Variants in TDRD3 observed in about 807,000 individuals in gnomAD.
The protein encoded by TDRD3 is tudor domain containing 3, also known as tudor domain-containing protein 3.
TDRD3 carries 45 observed loss-of-function variants against 86.7 expected under a neutral mutation model. The ratio of observed to expected loss-of-function variants is 0.52; its 90% CI spans 0.41 to 0.67. The LOEUF (loss-of-function observed/expected upper bound fraction) is 0.67. Among genes scored for constraint, TDRD3 ranks in the 30% least tolerant of loss-of-function variants. The pLI is 0.00. For missense variants in TDRD3, 814 were observed against 889.0 expected, an observed-to-expected ratio of 0.92 and a Z score of 1.07; for synonymous variants, 298 against 301.7, an observed-to-expected ratio of 0.99 and a Z score of 0.13.
At chr13:60,547,371 A>T in intron 12 of TDRD3, 1 of 985,348 alleles carries the variant, frequency 1.0e-6, no homozygotes, top group Non-Finnish European at 1.2e-6. Context: ...TCTTGGGCAA[A>T]TTACTTCCAC....
At chr13:60,566,096 T>C (rs891175814) in intron 12 of TDRD3, among the ~76,000 whole-genome samples, 2 of 152,160 alleles carry the variant, frequency 1.3e-5, no homozygotes, top group African/African-American at 4.8e-5. Flanking sequence ...GATCATTAAT[T>C]TTTGGCTATT....
At position 60,397,331 on chromosome 13, in the gene TDRD3, C is replaced by G; in HGVS notation, c.-34C>G. ...GGAGGCCTCCCCATCACCCCCACCC[C>G]AGCCCCCCACCACCCCCGGCCTAAG... On this transcript the variant is annotated 5_prime_UTR_variant, in exon 1 of 14. Coordinates refer to ENST00000377881, the MANE Select transcript of TDRD3 (RefSeq NM_001146070.2). 1 of 1,406,594 alleles carries G rather than the reference C, an allele frequency of 7.1e-7. No individual in the cohort carries two copies. The highest frequency in any genetic ancestry group is 9.4e-7 in the Non-Finnish European group (1 of 1,065,660). 87.1% of individuals were successfully genotyped at this position (1,406,594 alleles called of 1,614,324 possible).
chr13:60,431,366 A>G (rs1954949125), intron 1 of TDRD3, among the ~76,000 whole-genome samples: 1 of 152,024 alleles, frequency 6.6e-6, no homozygotes. Context: ...TTTTAAAGGA[A>G]GTGCTTAACA....
chr13:60,568,770 AAAG>A (rs1210883437), intron 13 of TDRD3, among the ~76,000 whole-genome samples: 5 of 152,222 alleles, frequency 3.3e-5, no homozygotes, highest in African/African-American at 4.8e-5. Flanking sequence ...AGAAAGAAAT[AAAG>A]AACATCCAAA....
At chr13:60,461,893 A>T (rs1252909366) in intron 4 of TDRD3, among the ~76,000 whole-genome samples, 2 of 152,196 alleles carry the variant, frequency 1.3e-5, no homozygotes, top group Non-Finnish European at 1.5e-5. Context: ...GACAACAGAA[A>T]GAGTGAGAAG....
Position 60,421,280 on chromosome 13 carries a change from C to T in TDRD3, c.42-18408C>T, listed in dbSNP as rs918081204. On this transcript the variant is annotated intron_variant, in intron 1 of 13. Transcript: ENST00000377881. ...GCAGAAGACGAAGGAGGAGCAAAGG[C>T]ACATCCTACATGGTGGCAGGCAGCA... Among the ~76,000 whole-genome samples the T allele has an allele frequency of 7.9e-5, 12 of 152,280 alleles. 1 individual carries two copies. In the South Asian group the frequency reaches 2.1e-3, roughly 26 times the overall value.
chr13:60,528,161 T>G (rs1298951654), intron 10 of TDRD3, among the ~76,000 whole-genome samples: 3 of 152,154 alleles, frequency 2.0e-5, no homozygotes, highest in Non-Finnish European at 4.4e-5. Flanking sequence ...TTTACTTTAT[T>G]AATGTTGCTG....
intron 8 of TDRD3, among the ~76,000 whole-genome samples, chr13:60,506,633 T>A (rs185520504): frequency 6.6e-6 from 1 of 152,144 alleles, no homozygotes; most frequent in Non-Finnish European, 1.5e-5. Context: ...GGTGCATGCC[T>A]ATAATCCCAG....
upstream of TDRD3, among the ~76,000 whole-genome samples, chr13:60,395,921 T>G (rs1953887527): frequency 6.6e-6 from 1 of 152,216 alleles, no homozygotes; most frequent in African/African-American, 2.4e-5. Flanking sequence ...AACAATATAC[T>G]TGGGAGCAAA....
intron 12 of TDRD3, among the ~76,000 whole-genome samples, chr13:60,542,823 C>CT (rs1566290081): frequency 6.6e-6 from 1 of 151,856 alleles, no homozygotes; most frequent in East Asian, 1.9e-4. Flanking sequence ...TTTTAAATTT[C>CT]TTTTTCTTTT....
intron 1 of TDRD3, among the ~76,000 whole-genome samples, chr13:60,424,750 C>T (rs892056527): frequency 6.6e-6 from 1 of 152,188 alleles, no homozygotes; most frequent in Non-Finnish European, 1.5e-5. Context: ...ATCATCACTA[C>T]TATCTAATTC....
intron 10 of TDRD3, among the ~76,000 whole-genome samples, chr13:60,517,140 G>C (rs923539995): frequency 6.6e-6 from 1 of 151,692 alleles, no homozygotes; most frequent in Admixed American, 6.6e-5. Flanking sequence ...TCAAGTTGCA[G>C]ATCTTTGATA....
chr13:60,507,182 C>A (rs1956957261), intron 8 of TDRD3, among the ~76,000 whole-genome samples: 1 of 152,128 alleles, frequency 6.6e-6, no homozygotes, highest in African/African-American at 2.4e-5. Flanking sequence ...AATACAGGAG[C>A]ACCCAGATTC....
At chr13:60,567,087 C>T (rs1958477366) in intron 12 of TDRD3, among the ~76,000 whole-genome samples, 1 of 152,138 alleles carries the variant, frequency 6.6e-6, no homozygotes, top group African/African-American at 2.4e-5. Flanking sequence ...AACCCCTTTT[C>T]TTTATTCTAC....
intron 1 of TDRD3, among the ~76,000 whole-genome samples, chr13:60,405,792 G>A (rs996172580): frequency 6.6e-6 from 1 of 152,200 alleles, no homozygotes; most frequent in Admixed American, 6.5e-5. Context: ...GAGGGTTATG[G>A]TGGGAATAAC....
chr13:60,483,308 A>C (rs1340732401), intron 5 of TDRD3, among the ~76,000 whole-genome samples: 2 of 152,146 alleles, frequency 1.3e-5, no homozygotes, highest in African/African-American at 4.8e-5. Flanking sequence ...AAGAACCTCC[A>C]TATTATACAC....
intron 3 of TDRD3, among the ~76,000 whole-genome samples, chr13:60,460,121 T>C (rs2138050857): frequency 6.7e-6 from 1 of 148,694 alleles, no homozygotes; most frequent in Middle Eastern, 3.6e-3. Flanking sequence ...GGTTTTCTTT[T>C]CTCATTACCT....
chr13:60,565,041 CTTTTTTTTTTTTTTTT>C (rs869194148), intron 12 of TDRD3, among the ~76,000 whole-genome samples: 11 of 70,850 alleles, frequency 1.6e-4, no homozygotes, highest in Admixed American at 2.2e-4. Flanking sequence ...CTATCAGTAT[CTTTTTTTTTTTTTTTT>C]TTTTTTTTTT....
chr13:60,430,334 A>G lies in TDRD3; in HGVS notation c.42-9354A>G, dbSNP rs565995663. Among the ~76,000 whole-genome samples the G allele has an allele frequency of 5.9e-5, 9 of 152,306 alleles. 1 individual carries two copies. Among genetic ancestry groups the G allele is most frequent in the Admixed American group, 3.3e-4 (5 of 15,288 alleles). On this transcript the variant is annotated intron_variant, in intron 1 of 13. Transcript: ENST00000377881. ...CATGGACTTTGTAGGCAGCAATGCTATGAGTGCAGTAGTCAGTGTAGTGTT... is the reference window on the plus strand; with the variant it reads ...CATGGACTTTGTAGGCAGCAATGCTGTGAGTGCAGTAGTCAGTGTAGTGTT...
Sources: gnomAD v4.1 joint callset for allele counts (sites outside exome capture counted in the v4.1 genomes callset) on GRCh38, gnomAD v4.1.1 for gene constraint, MANE v1.5 for transcripts, NCBI Gene and HGNC (gene_info 2026-07-23, HGNC 2026-07-21) for gene names.